MCM3AP: variants seen among roughly 807,000 people sequenced by gnomAD.
The protein encoded by MCM3AP is minichromosome maintenance complex component 3 associated protein.
MCM3AP carries 126 observed loss-of-function variants against 184.1 expected under a neutral mutation model. The ratio of observed to expected loss-of-function variants is 0.68; its 90% CI spans 0.59 to 0.79. The LOEUF is 0.79. MCM3AP is among the 30% of genes least tolerant of loss of function. The pLI, the probability that MCM3AP is intolerant of heterozygous loss-of-function variation, is 0.00. For missense variants in MCM3AP, 2,496 were observed against 2,479.2 expected (o/e 1.01, Z -0.14); for synonymous variants, 1,002 against 979.3 (o/e 1.02, Z -0.43).
intron 5 of MCM3AP, 102 bp from the exon 6 acceptor site, chr21:46,275,427 C>T (rs1013074108): frequency 4.1e-6 from 4 of 964,682 alleles, no homozygotes; most frequent in Non-Finnish European, 6.1e-6. Context: ...ACTTAAAACA[C>T]ACACACACAT....
chr21:46,273,536 T>C lies in MCM3AP; in HGVS notation c.2048A>G (p.Gln683Arg). 6.2e-7 allele frequency: 1 copy of C among 1,613,786 alleles called. No individual in the cohort carries two copies. Among genetic ancestry groups the C allele is most frequent in the Non-Finnish European group, 8.5e-7 (1 of 1,179,828 alleles). Reference sequence around the variant, plus strand: ...CAGCTCGTGGGGCAGGGGCTCCTCCTGATCCGCCGAGGACCGACTGTACTC... The same window carrying C: ...CAGCTCGTGGGGCAGGGGCTCCTCCCGATCCGCCGAGGACCGACTGTACTC... ...VKEYSRSSAD[Q>R]EEPLPHELRP... The change falls in exon 7 of 28, where the codon CAG becomes CGG. Residue 683 changes from glutamine (Q) to arginine (R), a missense_variant. Physicochemically the swap from Gln to Arg is conservative, Grantham distance 43. Transcript: ENST00000291688.
At chr21:46,255,844 G>C (rs375069699) in intron 17 of MCM3AP, among the ~76,000 whole-genome samples, 3 of 151,962 alleles carry the variant, frequency 2.0e-5, no homozygotes, top group Non-Finnish European at 2.9e-5. Flanking sequence ...AGCTACGGAG[G>C]GGGGACACAA....
At chr21:46,258,733 T>TTGTGTGTGTG (rs1197167264) in intron 16 of MCM3AP, among the ~76,000 whole-genome samples, 7 of 72,320 alleles carry the variant, frequency 9.7e-5, no homozygotes, top group African/African-American at 3.7e-4. Context: ...TCCCCTTATA[T>TTGTGTGTGTG]TGTATGTGTG....
intron 15 of MCM3AP, 167 bp from the exon 16 acceptor site, chr21:46,259,258 A>G (rs2081004948): frequency 1.8e-6 from 1 of 564,126 alleles, no homozygotes; most frequent in East Asian, 3.1e-5. Flanking sequence ...GATCCAGACC[A>G]TCCTGGCTAA....
intron 24 of MCM3AP, 72 bp from the exon 25 acceptor site, chr21:46,243,003 AC>A (rs377580444): frequency 1.3e-4 from 165 of 1,269,828 alleles, no homozygotes; most frequent in African/African-American, 3.4e-4. Context: ...AAAAAAACAC[AC>A]ACAAAAAAAC....
chr21:46,266,110 C>T lies in MCM3AP; in HGVS notation c.2846G>A (p.Arg949Lys), dbSNP rs1009500608. Residue 949 changes from arginine (R) to lysine (K), a missense_variant, in exon 11 of 28, where the codon AGG becomes AAG. Around this residue, in one of 5 missense-constraint regions of MCM3AP, gnomAD observed 138 missense variants for 191.9 expected, o/e 0.72. Coordinates refer to ENST00000291688, the MANE Select transcript of MCM3AP (RefSeq NM_003906.5). Reference sequence around the variant, plus strand: ...CTTCCTAGTAATAAACACCGACTTCCTGGTCTTGGATAATCCCTCTGGTTC... The same window carrying T: ...CTTCCTAGTAATAAACACCGACTTCTTGGTCTTGGATAATCCCTCTGGTTC... ...FLEPEGLSKT[R>K]KSVFITRKLT... 3.7e-6 allele frequency: 6 copies of T among 1,612,490 alleles called. No individual in the cohort carries two copies. The Admixed American group carries it at 6.7e-5, about 18-fold the overall frequency.
At chr21:46,241,882 A>G (rs1377330295) in intron 25 of MCM3AP, 2 of 152,212 alleles carry the variant, frequency 1.3e-5, no homozygotes, top group African/African-American at 2.4e-5. Flanking sequence ...CCTATTATGA[A>G]GATGAACAGT....
intron 6 of MCM3AP, among the ~76,000 whole-genome samples, 177 bp from the exon 7 acceptor site, chr21:46,273,762 T>C (rs139427634): frequency 1.8e-4 from 28 of 152,112 alleles, no homozygotes; most frequent in African/African-American, 6.8e-4. Flanking sequence ...CAAAGACAAA[T>C]AGAGAAATTT....
At chr21:46,277,862 G>A (rs1409301917) in intron 4 of MCM3AP, 145 bp from the exon 5 acceptor site, 3 of 482,496 alleles carry the variant, frequency 6.2e-6, no homozygotes, top group Non-Finnish European at 1.1e-5. Context: ...GATGAGTTTT[G>A]ATAAGGATGG....
chr21:46,267,253 G>C (rs1203784685), intron 9 of MCM3AP, 111 bp from the exon 10 acceptor site: 2 of 1,043,282 alleles, frequency 1.9e-6, no homozygotes, highest in Admixed American at 4.7e-5. Flanking sequence ...GCTCCTCCTG[G>C]GCTGAGTCCA....
intron 6 of MCM3AP, among the ~76,000 whole-genome samples, chr21:46,274,937 T>TC (rs1555913643): frequency 2.9e-5 from 1 of 34,832 alleles, no homozygotes; most frequent in Non-Finnish European, 6.4e-5. Context: ...AGACCCTGTC[T>TC]CAAAAAAAAA....
Position 46,254,435 on chromosome 21 carries a change from C to T in MCM3AP, c.4093G>A (p.Val1365Met), listed in dbSNP as rs1601508190. The change falls in exon 19 of 28, where the codon GTG becomes ATG. Residue 1365 changes from valine to methionine, a missense_variant. By Grantham distance (21) the Val-to-Met change is conservative (BLOSUM62 1). Around this residue, in one of 5 missense-constraint regions of MCM3AP, gnomAD observed 1,323 missense variants for 1,273.4 expected, o/e 1.04. Transcript: ENST00000291688. ...GACTGCTCCTCTACATCCGGCAACA[C>T]CAGCACCAGCTTCCAAAACACATGC... ...QEHVFWKLVL[V>M]LPDVEEQSPE... is the part of the protein sequence containing the mutation. 1 of 1,614,180 alleles carries T rather than the reference C, an allele frequency of 6.2e-7. No individual in the cohort carries two copies. Among genetic ancestry groups the T allele is most frequent in the East Asian group, 2.2e-5 (1 of 44,876 alleles).
intron 22 of MCM3AP, among the ~76,000 whole-genome samples, chr21:46,245,989 T>G (rs935216869): frequency 6.6e-6 from 1 of 152,210 alleles, no homozygotes; most frequent in Non-Finnish European, 1.5e-5. Context: ...AGCAGGACTG[T>G]GGGCAAATTT....
In MCM3AP at chr21:46,254,875, C is replaced by T. The variant is rs576797249; in HGVS notation, c.3933-31G>A. On this transcript the variant is annotated intron_variant, in intron 17 of 27. Coordinates refer to ENST00000291688, the MANE Select transcript of MCM3AP (RefSeq NM_003906.5). ...AAGGAAAGCAGAATGACAGTGTCCC[C>T]GCAGGAGCTTAGTGAGAAGTACTGG... The T allele has an allele frequency of 2.2e-5, 35 of 1,571,254 alleles. No homozygotes were observed. The highest frequency in any genetic ancestry group is 1.8e-4 in the East Asian group (8 of 44,644).
chr21:46,241,064 C>T, intron 25 of MCM3AP, 47 bp from the exon 26 acceptor site: 1 of 1,359,348 alleles, frequency 7.4e-7, no homozygotes, highest in Non-Finnish European at 1.0e-6. Context: ...GAAAATATTT[C>T]TACAGCATCA....
intron 12 of MCM3AP, 143 bp from the exon 13 acceptor site, chr21:46,264,360 A>T: frequency 1.7e-6 from 1 of 603,546 alleles, no homozygotes; most frequent in Non-Finnish European, 3.0e-6. Context: ...CTGTTGCAGG[A>T]AAGGTGTCCC....
At chr21:46,272,462 T>C in intron 8 of MCM3AP, 99 bp downstream of exon 8, 1 of 1,214,530 alleles carries the variant, frequency 8.2e-7, no homozygotes, top group Admixed American at 2.1e-5. Context: ...CCAGACAGAA[T>C]GCTGCACTAT....
chr21:46,256,512 C>G (rs1205199558), intron 17 of MCM3AP: 1 of 485,214 alleles, frequency 2.1e-6, no homozygotes, highest in African/African-American at 1.9e-5. Flanking sequence ...AGGAAAAGAA[C>G]ACGTGATGCA....
At chr21:46,261,844 G>C (rs893090145) in intron 13 of MCM3AP, among the ~76,000 whole-genome samples, 1 of 151,750 alleles carries the variant, frequency 6.6e-6, no homozygotes, top group African/African-American at 2.4e-5. Flanking sequence ...AATCCAAAAT[G>C]CTCCAAAATC....
Sources: gnomAD v4.1 joint callset for allele counts (sites outside exome capture counted in the v4.1 genomes callset) on GRCh38, gnomAD v4.1.1 for gene constraint, gnomAD v4.1.1 regional missense constraint, MANE v1.5 for transcripts, NCBI Gene and HGNC (gene_info 2026-07-23, HGNC 2026-07-21) for gene names.